CALCOCO1: variants seen among roughly 807,000 people sequenced by gnomAD.
CALCOCO1 encodes the protein calcium-binding and coiled-coil domain-containing protein 1.
CALCOCO1 carries 44 observed loss-of-function variants against 86.3 expected under a neutral mutation model. The ratio of observed to expected loss-of-function variants is 0.51; its 90% CI spans 0.40 to 0.66. The LOEUF (loss-of-function observed/expected upper bound fraction) is 0.66. CALCOCO1 is among the 30% of genes least tolerant of loss of function. CALCOCO1 has a pLI of 0.00. For synonymous variants in CALCOCO1, 297 were observed against 327.6 expected (o/e 0.91, Z 1.01); for missense variants, 708 against 851.1 (o/e 0.83, Z 2.09).
intron 7 of CALCOCO1, among the ~76,000 whole-genome samples, chr12:53,717,062 A>G (rs1945746255): frequency 6.6e-6 from 1 of 152,190 alleles, no homozygotes; most frequent in African/African-American, 2.4e-5. Flanking sequence ...CTTTAAATAC[A>G]GTTATTTTCT....
chr12:53,721,021 G>C (rs75369911), intron 6 of CALCOCO1, among the ~76,000 whole-genome samples: 3,051 of 152,290 alleles, frequency 0.02, 106 homozygotes, highest in African/African-American at 0.07. Flanking sequence ...CCAGTGCTAA[G>C]AGTTTATGAT....
In CALCOCO1 at chr12:53,725,248, C is replaced by A; in HGVS notation, c.-6G>T. The A allele has an allele frequency of 6.3e-7, 1 of 1,581,102 alleles. No homozygotes were observed. Among genetic ancestry groups the A allele is most frequent in the Non-Finnish European group, 8.6e-7 (1 of 1,164,758 alleles). On this transcript the variant is annotated 5_prime_UTR_variant, in exon 2 of 15. Coordinates refer to ENST00000550804, the MANE Select transcript of CALCOCO1 (RefSeq NM_020898.3). ...CTTAGTGGTGATTCTTCCATCCTGG[C>A]CTTGAGATATCTGTCCTCCTATGAA...
At chr12:53,715,711 A>T in intron 9 of CALCOCO1, 82 bp downstream of exon 9, 1 of 1,554,368 alleles carries the variant, frequency 6.4e-7, no homozygotes, top group Non-Finnish European at 8.7e-7. Flanking sequence ...CTCTCCTCCC[A>T]GAGGGTCTGA....
In CALCOCO1 at chr12:53,712,020, C is replaced by T; in HGVS notation, c.2000G>A (p.Ser667Asn). 1 of 1,611,180 alleles carries T rather than the reference C, an allele frequency of 6.2e-7. No individual in the cohort carries two copies. The highest frequency in any genetic ancestry group is 1.7e-4 in the Middle Eastern group (1 of 6,034). The change falls in exon 15 of 15, where the codon AGT becomes AAT. Residue 667 changes from serine (S) to asparagine (N), a missense_variant. Coordinates refer to ENST00000550804, the MANE Select transcript of CALCOCO1 (RefSeq NM_020898.3). The stretch of plus-strand genomic sequence containing the variant: ...GTGGTCCTCCAGGGCATCCTTGTCA[C>T]TCTCAGCAGGAAAGCGCTCCTTACA... ...PICKERFPAE[S>N]DKDALEDHMD...
intron 12 of CALCOCO1, 35 bp downstream of exon 12, chr12:53,714,098 G>T: frequency 6.6e-7 from 1 of 1,517,858 alleles, no homozygotes; most frequent in South Asian, 1.1e-5. Context: ...AGGTAGAGTG[G>T]GGAAGAGGTG....
intron 9 of CALCOCO1, 25 bp from the exon 10 acceptor site, chr12:53,715,350 T>A: frequency 1.2e-6 from 2 of 1,613,692 alleles, no homozygotes; most frequent in Non-Finnish European, 1.7e-6. Context: ...AGAAGGAAAA[T>A]GGGAGGGTGG....
chr12:53,716,384 T>C lies in CALCOCO1; in HGVS notation c.881A>G (p.His294Arg). 4.3e-6 allele frequency: 7 copies of C among 1,614,150 alleles called. No individual in the cohort carries two copies. The highest frequency in any genetic ancestry group is 1.1e-5 in the South Asian group (1 of 91,072). ...CTCCTTCAGGTCCAAATTTAAGTGATGGTTCTCCTGTTGTGCCACTTGGAG... is the reference window on the plus strand; with the variant it reads ...CTCCTTCAGGTCCAAATTTAAGTGACGGTTCTCCTGTTGTGCCACTTGGAG... ...AELQVAQQEN[H>R]HLNLDLKEAK... The change falls in exon 8 of 15, where the codon CAT becomes CGT. Residue 294 changes from histidine (H) to arginine (R), a missense_variant. By Grantham distance (29) the His-to-Arg change is conservative. Coordinates refer to ENST00000550804, the MANE Select transcript of CALCOCO1 (RefSeq NM_020898.3).
intron 7 of CALCOCO1, among the ~76,000 whole-genome samples, chr12:53,716,974 G>C (rs1262863904): frequency 6.6e-6 from 1 of 152,186 alleles, no homozygotes; most frequent in African/African-American, 2.4e-5. Context: ...TTTCTTGCTT[G>C]GACTACTGAA....
At position 53,709,919 on chromosome 12, in the gene CALCOCO1, A is replaced by C. The variant is rs1008948967; in HGVS notation, c.*2025T>G. On this transcript the variant is annotated 3_prime_UTR_variant, in exon 15 of 15. Transcript: ENST00000550804. ...AATCACACATGATTTCATTAAATGC[A>C]CCTCCTGCTGGGGATGTTGGCTCAT... 1.3e-5 allele frequency: 2 copies of C among 151,748 alleles called. No homozygotes were observed. The highest frequency in any genetic ancestry group is 4.8e-5 in the African/African-American group (2 of 41,254). The allele number at this position is 151,748 out of a possible 1,614,324, so 9.4% of individuals were successfully genotyped here.
In CALCOCO1 at chr12:53,715,842, T is replaced by C. The variant is rs780822600; in HGVS notation, c.1211A>G (p.Glu404Gly). The C allele has an allele frequency of 1.9e-6, 3 of 1,614,116 alleles. No homozygotes were observed. Among genetic ancestry groups the C allele is most frequent in the Non-Finnish European group, 2.5e-6 (3 of 1,180,038 alleles). ...CCGCTCCTTGCTCCATTGGCATTTT[T>C]CTTCCTTCAAGTGCAAACCGAGCTC... ...LAELGLHLKE[E>G]KCQWSKERAG... The change falls in exon 9 of 15, where the codon GAA becomes GGA. Residue 404 changes from glutamate to glycine, a missense_variant. Coordinates refer to ENST00000550804, the MANE Select transcript of CALCOCO1 (RefSeq NM_020898.3).
At chr12:53,724,621 C>T in intron 3 of CALCOCO1, 24 bp downstream of exon 3, 2 of 1,591,318 alleles carry the variant, frequency 1.3e-6, no homozygotes, top group Non-Finnish European at 1.7e-6. Flanking sequence ...CTCCTCTCTC[C>T]CAATTTTCCA....
chr12:53,713,493 C>A (rs1233739807), intron 13 of CALCOCO1, among the ~76,000 whole-genome samples: 1 of 152,172 alleles, frequency 6.6e-6, no homozygotes, highest in East Asian at 1.9e-4. Context: ...AAAAAGAGAG[C>A]CCTGGATAGC....
intron 1 of CALCOCO1, among the ~76,000 whole-genome samples, chr12:53,727,079 G>T (rs1052448551): frequency 6.6e-6 from 1 of 152,148 alleles, no homozygotes; most frequent in African/African-American, 2.4e-5. Context: ...TTGCGTAGGG[G>T]AGAGAGGGAA....
rs1258289388 is a variant in CALCOCO1, at chr12:53,710,274, G to A, written c.*1670C>T. 1.3e-5 allele frequency: 2 copies of A among 152,380 alleles called. No homozygotes were observed. The highest frequency in any genetic ancestry group is 1.9e-4 in the East Asian group (1 of 5,186). 9.4% of individuals were successfully genotyped at this position (152,380 alleles called of 1,614,324 possible). ...GATGGGGTTGCTAGGAGACGGAGAC[G>A]TGAGGGAAGAAGGAACGATGTAAGA... On this transcript the variant is annotated 3_prime_UTR_variant, in exon 15 of 15. Coordinates refer to ENST00000550804, the MANE Select transcript of CALCOCO1 (RefSeq NM_020898.3).
chr12:53,721,796 C>T (rs1003048756), intron 5 of CALCOCO1, 181 bp from the exon 6 acceptor site: 2 of 828,174 alleles, frequency 2.4e-6, no homozygotes, highest in African/African-American at 3.4e-5. Context: ...CCACCTCCAC[C>T]TTACCCCAGC....
chr12:53,712,443 G>T, intron 14 of CALCOCO1: 1 of 279,038 alleles, frequency 3.6e-6, no homozygotes, highest in South Asian at 5.4e-5. Context: ...TCATCTTCCT[G>T]CTCCAGCCGA....
intron 7 of CALCOCO1, among the ~76,000 whole-genome samples, chr12:53,718,455 A>T (rs1211470574): frequency 6.6e-6 from 1 of 152,224 alleles, no homozygotes; most frequent in African/African-American, 2.4e-5. Context: ...ATTCCACACA[A>T]GATTAAAAAC....
chr12:53,721,015 T>C (rs1565647757), intron 6 of CALCOCO1, among the ~76,000 whole-genome samples: 1 of 152,216 alleles, frequency 6.6e-6, no homozygotes, highest in Admixed American at 6.5e-5. Context: ...ACAATCCCAG[T>C]GCTAAGAGTT....
chr12:53,712,676 T>C, intron 14 of CALCOCO1: 1 of 599,550 alleles, frequency 1.7e-6, no homozygotes, highest in African/African-American at 1.9e-5. Flanking sequence ...AGCATTTCAG[T>C]TGTAGCCAGA....
Sources: allele counts gnomAD v4.1 joint callset (sites outside exome capture counted in the v4.1 genomes callset), GRCh38; gene constraint gnomAD v4.1.1; transcripts MANE v1.5; gene names NCBI Gene and HGNC (gene_info 2026-07-23, HGNC 2026-07-21).